Variants in PRKCI observed in about 807,000 individuals in gnomAD.
The protein encoded by PRKCI is protein kinase C iota, also known as protein kinase C iota type.
In PRKCI, 43 loss-of-function variants were observed where a neutral mutation model predicts 84.0. The observed-to-expected ratio is 0.51, with a 90% CI of 0.40 to 0.66. The LOEUF (loss-of-function observed/expected upper bound fraction) is 0.66, where lower values mean the gene tolerates loss of function less well. Among genes scored for constraint, PRKCI ranks in the 30% least tolerant of loss-of-function variants. The pLI, the probability that PRKCI is intolerant of heterozygous loss-of-function variation, is 0.00. For synonymous variants in PRKCI, 216 were observed against 234.4 expected (o/e 0.92, Z 0.72); for missense variants, 459 against 745.6 (o/e 0.62, Z 4.48).
Position 170,245,949 on chromosome 3 carries a change from G to GTTTTTTTTTTTTTTTTTTTTTTT in PRKCI, c.223+10619_223+10620insTTTTTTTTTTTTTTTTTTTTTTT, listed in dbSNP as rs112482352. Among the ~76,000 whole-genome samples, 8 of 82,452 alleles carry GTTTTTTTTTTTTTTTTTTTTTTT rather than the reference G, an allele frequency of 9.7e-5. 1 individual carries two copies. The highest frequency in any genetic ancestry group is 3.4e-4 in the African/African-American group (7 of 20,466). 54.1% of individuals were successfully genotyped at this position (82,452 alleles called of 152,430 possible). On this transcript the variant is annotated intron_variant, in intron 2 of 17. Coordinates refer to ENST00000295797, the MANE Select transcript of PRKCI (RefSeq NM_002740.6). ...TTTTTTCCCTGGATGTTATGTCTTT[G>GTTTTTTTTTTTTTTTTTTTTTTT]TTTTTTTTTTTTTTTTTTTTTCTGA... is the stretch of plus-strand genomic sequence containing the variant.
Position 170,279,957 on chromosome 3 carries a change from G to A in PRKCI, c.706-270G>A, listed in dbSNP as rs184429676. On this transcript the variant is annotated intron_variant, in intron 8 of 17. Transcript: ENST00000295797. ...ATTGCCTCTGTACCCAAAAGTTATC[G>A]TATCCTTTTTAAGACATCCTTCGAT... is the stretch of plus-strand genomic sequence containing the variant. Among the ~76,000 whole-genome samples, 414 of 151,950 alleles carry A rather than the reference G, an allele frequency of 2.7e-3. 1 individual carries two copies. Among genetic ancestry groups the A allele is most frequent in the African/African-American group, 8.7e-3 (360 of 41,450 alleles).
chr3:170,273,505 C>T (rs538014930), intron 7 of PRKCI, among the ~76,000 whole-genome samples, 165 bp downstream of exon 7: 1 of 152,308 alleles, frequency 6.6e-6, no homozygotes, highest in African/African-American at 2.4e-5. Flanking sequence ...TTAACATACA[C>T]ATTTGGCATT....
chr3:170,247,994 T>C (rs893426215), intron 2 of PRKCI, among the ~76,000 whole-genome samples: 1 of 152,140 alleles, frequency 6.6e-6, no homozygotes, highest in Non-Finnish European at 1.5e-5. Flanking sequence ...AGTGGTTTAG[T>C]GTTCTGACTG....
At chr3:170,270,128 T>G (rs1205009924) in intron 5 of PRKCI, among the ~76,000 whole-genome samples, 1 of 152,222 alleles carries the variant, frequency 6.6e-6, no homozygotes, top group Non-Finnish European at 1.5e-5. Context: ...ATATTTCTAG[T>G]TTAATTCTGT....
chr3:170,266,607 A>G (rs995778317), intron 4 of PRKCI, among the ~76,000 whole-genome samples: 2 of 152,152 alleles, frequency 1.3e-5, no homozygotes, highest in African/African-American at 4.8e-5. Flanking sequence ...GGCAGAGTGA[A>G]TGTTTTAAAA....
At chr3:170,277,918 C>T (rs1250676226) in intron 8 of PRKCI, among the ~76,000 whole-genome samples, 3 of 152,084 alleles carry the variant, frequency 2.0e-5, no homozygotes, top group Admixed American at 6.6e-5. Context: ...TTCCTTCCTA[C>T]GTCTGTTCCT....
rs935282042 is a variant in PRKCI at position 170,222,706 on chromosome 3, A to G, written c.37A>G (p.Thr13Ala). 39 of 1,609,256 alleles carry G rather than the reference A, an allele frequency of 2.4e-5. No homozygotes were observed. In the East Asian group the frequency reaches 8.3e-4, roughly 34 times the overall value. ...TQRDSSTMSHTVAGGGSGDHS... is the reference protein window; with the variant it reads ...TQRDSSTMSHAVAGGGSGDHS... ...GAGGGACAGCAGCACCATGTCCCAC[A>G]CGGTCGCAGGCGGCGGCAGCGGGGA... The change falls in exon 1 of 18, where the codon ACG becomes GCG. Residue 13 changes from threonine to alanine, a missense_variant. By Grantham distance (58) the Thr-to-Ala change is moderately conservative. Coordinates refer to ENST00000295797, the MANE Select transcript of PRKCI (RefSeq NM_002740.6).
chr3:170,247,422 C>T (rs754310096), intron 2 of PRKCI, among the ~76,000 whole-genome samples: 16 of 151,336 alleles, frequency 1.1e-4, no homozygotes, highest in Non-Finnish European at 2.9e-5. Context: ...ATTCCTATTA[C>T]TTCATCTCTC....
At chr3:170,276,803 A>G (rs777734496) in intron 8 of PRKCI, among the ~76,000 whole-genome samples, 1 of 152,218 alleles carries the variant, frequency 6.6e-6, no homozygotes, top group East Asian at 1.9e-4. Context: ...TAATTAAACT[A>G]CAGAGCTTCC....
intron 4 of PRKCI, among the ~76,000 whole-genome samples, chr3:170,264,993 C>T (rs1409691401): frequency 6.6e-6 from 1 of 151,852 alleles, no homozygotes; most frequent in East Asian, 1.9e-4. Flanking sequence ...CAAGACCAGC[C>T]TGGCCAACAT....
chr3:170,267,797 T>C (rs926124152), intron 4 of PRKCI, 118 bp from the exon 5 acceptor site: 8 of 635,736 alleles, frequency 1.3e-5, no homozygotes, highest in Non-Finnish European at 2.0e-5. Context: ...GTTCAGGTTT[T>C]TATCAGTATT....
At chr3:170,301,072 G>A (rs965589580) in intron 17 of PRKCI, among the ~76,000 whole-genome samples, 8 of 152,154 alleles carry the variant, frequency 5.3e-5, no homozygotes, top group African/African-American at 1.9e-4. Flanking sequence ...TGGTTATTGA[G>A]CAAAAGGTGT....
chr3:170,265,974 C>T (rs1168694183), intron 4 of PRKCI, among the ~76,000 whole-genome samples: 3 of 152,184 alleles, frequency 2.0e-5, no homozygotes, highest in Non-Finnish European at 2.9e-5. Flanking sequence ...GAGAGCATTG[C>T]AACTGGTCTT....
intron 1 of PRKCI, among the ~76,000 whole-genome samples, chr3:170,229,056 T>C (rs1732714930): frequency 6.6e-6 from 1 of 152,122 alleles, no homozygotes; most frequent in South Asian, 2.1e-4. Context: ...GTGATTTCAT[T>C]ATTTTTTATG....
chr3:170,261,585 G>A (rs1027625341), intron 3 of PRKCI, among the ~76,000 whole-genome samples: 2 of 152,014 alleles, frequency 1.3e-5, no homozygotes, highest in Admixed American at 6.6e-5. Flanking sequence ...CTGTGTTCAA[G>A]TGATTCTCAT....
chr3:170,284,086 T>C (rs1333496125), intron 11 of PRKCI, among the ~76,000 whole-genome samples: 1 of 152,096 alleles, frequency 6.6e-6, no homozygotes, highest in African/African-American at 2.4e-5. Flanking sequence ...GGATCACGGG[T>C]CCCTTAGAGA....
Position 170,299,010 on chromosome 3 carries a change from G to A in PRKCI, c.1603G>A (p.Val535Met). ...GTCTTTTCAGATGGAGCAAAAACAG[G>A]TGGTACCTCCCTTTAAACCAAATAT... The part of the protein sequence containing the change: ...VDWDMMEQKQ[V>M]VPPFKPNISG... The change falls in exon 17 of 18, where the codon GTG (valine) becomes ATG (methionine). Residue 535 changes from valine to methionine, a missense_variant. Val to Met is a conservative substitution (Grantham distance 21). Coordinates refer to ENST00000295797, the MANE Select transcript of PRKCI (RefSeq NM_002740.6). The A allele has an allele frequency of 6.2e-7, 1 of 1,612,156 alleles. No individual in the cohort carries two copies. The highest frequency in any genetic ancestry group is 8.5e-7 in the Non-Finnish European group (1 of 1,179,256).
At chr3:170,293,353 A>T (rs560989464) in intron 13 of PRKCI, 30 bp from the exon 14 acceptor site, 1 of 1,587,234 alleles carries the variant, frequency 6.3e-7, no homozygotes, top group African/African-American at 1.4e-5. Context: ...CAAAGTGTAT[A>T]ATTTATTGCT....
chr3:170,276,752 G>A (rs73036328), intron 8 of PRKCI, among the ~76,000 whole-genome samples: 16,927 of 152,042 alleles, frequency 0.11, 2,248 homozygotes, highest in African/African-American at 0.32. Context: ...CTAAGTCTCC[G>A]AAAACAATTG....
Sources: gnomAD v4.1 joint callset for allele counts (sites outside exome capture counted in the v4.1 genomes callset) on GRCh38, gnomAD v4.1.1 for gene constraint, MANE v1.5 for transcripts, NCBI Gene and HGNC (gene_info 2026-07-23, HGNC 2026-07-21) for gene names.